Variants in PLXNC1 observed in about 807,000 individuals in gnomAD.
PLXNC1 encodes the protein plexin-C1.
PLXNC1 carries 75 observed loss-of-function variants against 178.2 expected under a neutral mutation model. The ratio of observed to expected loss-of-function variants is 0.42; its 90% confidence interval spans 0.35 to 0.51. PLXNC1 has a LOEUF of 0.51. PLXNC1 is among the 20% of genes least tolerant of loss of function. The pLI is 0.02. For synonymous variants in PLXNC1, 790 were observed against 779.9 expected (o/e 1.01, Z -0.22); for missense variants, 1,503 against 1,984.4 (o/e 0.76, Z 4.61).
chr12:94,188,907 A>G (rs1962620007), intron 4 of PLXNC1, among the ~76,000 whole-genome samples: 1 of 152,256 alleles, frequency 6.6e-6, no homozygotes. Flanking sequence ...TATTGCTCAC[A>G]TTATTTTCAG....
At chr12:94,287,436 C>T (rs1193238514) in intron 23 of PLXNC1, among the ~76,000 whole-genome samples, 1 of 152,178 alleles carries the variant, frequency 6.6e-6, no homozygotes, top group Non-Finnish European at 1.5e-5. Flanking sequence ...CAGCCTTCTT[C>T]CTCTCACTCG....
chr12:94,183,272 T>C (rs1278089254), intron 3 of PLXNC1, among the ~76,000 whole-genome samples: 1 of 152,252 alleles, frequency 6.6e-6, no homozygotes, highest in Non-Finnish European at 1.5e-5. Flanking sequence ...TACTGTTCTT[T>C]GCACATTGAA....
At position 94,186,020 on chromosome 12, in the gene PLXNC1, A is replaced by C. The variant is rs1267730490; in HGVS notation, c.1339-353A>C. 6 of 208,772 alleles carry C rather than the reference A, an allele frequency of 2.9e-5. No homozygotes were observed. The East Asian group carries it at 6.4e-4, about 22-fold the overall frequency. The allele number at this position is 208,772 out of a possible 1,614,324, so 12.9% of individuals were successfully genotyped here. On this transcript the variant is annotated intron_variant, in intron 3 of 30. Transcript: ENST00000258526. Reference sequence around the variant, plus strand: ...CTGCAACCTCAGCACTTTTGGGAGGAGTGCTTTGAGCCCAGAAGTTCAAAA... The same window carrying C: ...CTGCAACCTCAGCACTTTTGGGAGGCGTGCTTTGAGCCCAGAAGTTCAAAA...
intron 23 of PLXNC1, among the ~76,000 whole-genome samples, chr12:94,291,952 T>TA (rs1967379117): frequency 6.6e-6 from 1 of 152,206 alleles, no homozygotes; most frequent in Admixed American, 6.5e-5. Flanking sequence ...CTCCCATCTT[T>TA]ATAGACACTT....
chr12:94,303,732 CTTTT>C lies in PLXNC1; in HGVS notation c.4387-10_4387-7del, dbSNP rs201354613. The C allele has an allele frequency of 2.4e-3, 2,044 of 836,444 alleles. No homozygotes were observed. The highest frequency in any genetic ancestry group is 9.7e-3 in the African/African-American group (344 of 35,472). The allele number at this position is 836,444 out of a possible 1,614,324, so 51.8% of individuals were successfully genotyped here. A position where few individuals can be genotyped will look rare whatever the true frequency, so the allele number is the denominator to read the frequency against. ...TTTTTTACTCTTTTGGTGATGGTTGCTTTTTTTTTTTTTTTTTCCCCAGGAAGCA... is the reference window on the plus strand; with the variant it reads ...TTTTTTACTCTTTTGGTGATGGTTGCTTTTTTTTTTTTTCCCCAGGAAGCA... On this transcript the variant is annotated intron_variant, in intron 28 of 30. Coordinates refer to ENST00000258526, the MANE Select transcript of PLXNC1 (RefSeq NM_005761.3).
At chr12:94,253,431 G>T (rs1964757111) in intron 15 of PLXNC1, among the ~76,000 whole-genome samples, 1 of 152,048 alleles carries the variant, frequency 6.6e-6, no homozygotes, top group Non-Finnish European at 1.5e-5. Context: ...AGAAAAAAAT[G>T]AGCCTTTGCG....
intron 6 of PLXNC1, among the ~76,000 whole-genome samples, chr12:94,222,604 C>T (rs1039125591): frequency 6.6e-6 from 1 of 152,204 alleles, no homozygotes; most frequent in Non-Finnish European, 1.5e-5. Context: ...GTGCTGTCAT[C>T]ACCTAAATTA....
In PLXNC1 at chr12:94,172,257, T is replaced by C. The variant is rs566073328; in HGVS notation, c.1203+2964T>C. ...GGGCTTGGATCAGCCACAGCCTGAC[T>C]CATCAGTTTCTGAGTGATCATGAGT... is the stretch of plus-strand genomic sequence containing the variant. On this transcript the variant is annotated intron_variant, in intron 2 of 30. Coordinates refer to ENST00000258526, the MANE Select transcript of PLXNC1 (RefSeq NM_005761.3). 2.6e-5 allele frequency among the ~76,000 whole-genome samples: 4 copies of C among 152,330 alleles called. No homozygotes were observed. In the East Asian group the frequency reaches 7.7e-4, roughly 29 times the overall value.
intron 9 of PLXNC1, among the ~76,000 whole-genome samples, chr12:94,227,747 A>G (rs1238959924): frequency 6.6e-6 from 1 of 152,186 alleles, no homozygotes; most frequent in African/African-American, 2.4e-5. Context: ...GCAGTTATTA[A>G]TCCATGAACT....
chr12:94,237,792 T>C lies in PLXNC1; in HGVS notation c.2109T>C (p.Cys703=), dbSNP rs758421362. Residue 703 remains cysteine (C), a synonymous_variant, in exon 10 of 31, where the codon TGT becomes TGC. Coordinates refer to ENST00000258526, the MANE Select transcript of PLXNC1 (RefSeq NM_005761.3). ...ITMILKGTST[C]DKDVIQVSHV... ...TGATCCTGAAAGGAACCAGTACCTGTGATAAGGATGTGTGAGTCGAAATAC... is the reference window on the plus strand; with the variant it reads ...TGATCCTGAAAGGAACCAGTACCTGCGATAAGGATGTGTGAGTCGAAATAC... 1.2e-6 allele frequency: 2 copies of C among 1,613,684 alleles called. No individual in the cohort carries two copies. The highest frequency in any genetic ancestry group is 1.7e-6 in the Non-Finnish European group (2 of 1,179,914).
chr12:94,208,741 G>A (rs1011786061), intron 4 of PLXNC1, among the ~76,000 whole-genome samples: 2 of 152,178 alleles, frequency 1.3e-5, no homozygotes, highest in African/African-American at 2.4e-5. Flanking sequence ...ACCCTTTGGC[G>A]ATAACGTGCT....
At chr12:94,190,169 G>C (rs1342959292) in intron 4 of PLXNC1, among the ~76,000 whole-genome samples, 1 of 152,200 alleles carries the variant, frequency 6.6e-6, no homozygotes. Flanking sequence ...CAGTAATATT[G>C]AGAAGGGGAA....
intron 5 of PLXNC1, among the ~76,000 whole-genome samples, chr12:94,216,844 C>G (rs189736531): frequency 6.6e-6 from 1 of 152,190 alleles, no homozygotes; most frequent in South Asian, 2.1e-4. Context: ...CCCCAGCTCC[C>G]TCTGCATCCC....
chr12:94,304,140 C>CCTTTTGGG, intron 30 of PLXNC1, 89 bp downstream of exon 30: 1 of 854,852 alleles, frequency 1.2e-6, no homozygotes, highest in Non-Finnish European at 1.8e-6. Flanking sequence ...ACAGCTCTGG[C>CCTTTTGGG]ATCCCAAAAG....
intron 21 of PLXNC1, among the ~76,000 whole-genome samples, chr12:94,278,788 G>A (rs1227988704): frequency 2.0e-5 from 3 of 152,232 alleles, no homozygotes; most frequent in South Asian, 4.2e-4. Context: ...ACAAGGTCAG[G>A]ACTTTGAGAC....
intron 24 of PLXNC1, among the ~76,000 whole-genome samples, chr12:94,295,362 G>A (rs1385641257): frequency 6.6e-6 from 1 of 152,228 alleles, no homozygotes; most frequent in African/African-American, 2.4e-5. Context: ...TGGGGCTGTG[G>A]TGAAGCCATC....
intron 23 of PLXNC1, among the ~76,000 whole-genome samples, chr12:94,292,179 C>G (rs1466409790): frequency 6.6e-6 from 1 of 152,162 alleles, no homozygotes; most frequent in East Asian, 1.9e-4. Context: ...TACTGACCCT[C>G]AAAATCTAGA....
At chr12:94,163,094 G>T (rs777255670) in intron 1 of PLXNC1, among the ~76,000 whole-genome samples, 1 of 152,186 alleles carries the variant, frequency 6.6e-6, no homozygotes, top group East Asian at 1.9e-4. Context: ...GGCCAGGTGC[G>T]GTGGCTCACA....
intron 1 of PLXNC1, among the ~76,000 whole-genome samples, chr12:94,155,451 G>C (rs960550575): frequency 6.6e-6 from 1 of 152,204 alleles, no homozygotes; most frequent in Non-Finnish European, 1.5e-5. Context: ...AACCACTATT[G>C]TAAGATAAAA....
Sources: gnomAD v4.1 joint callset for allele counts (sites outside exome capture counted in the v4.1 genomes callset) on GRCh38, gnomAD v4.1.1 for gene constraint, MANE v1.5 for transcripts, NCBI Gene and HGNC (gene_info 2026-07-23, HGNC 2026-07-21) for gene names.